CHD9: variants seen among roughly 807,000 people sequenced by gnomAD.
CHD9 encodes the protein ATP-dependent chromatin remodeler CHD9.
Under a neutral mutation model 316.1 loss-of-function variants are expected in CHD9, and 77 were observed. The ratio of observed to expected loss-of-function variants is 0.24; its 90% confidence interval spans 0.20 to 0.29. The LOEUF (loss-of-function observed/expected upper bound fraction) is 0.29. Among genes scored for constraint, CHD9 ranks in the 10% least tolerant of loss-of-function variants. The pLI is 1.00. For synonymous variants in CHD9, 1,129 were observed against 1,158.3 expected (o/e 0.97, Z 0.51); for missense variants, 2,763 against 3,438.1 (o/e 0.80, Z 4.91).
In CHD9 at chr16:53,238,350, T is replaced by G. The variant is rs1352971013; in HGVS notation, c.2641T>G (p.Cys881Gly). 2 of 1,611,144 alleles carry G rather than the reference T, an allele frequency of 1.2e-6. No homozygotes were observed. Among genetic ancestry groups the G allele is most frequent in the African/African-American group, 1.3e-5 (1 of 74,950 alleles). ...TGTATTTGTTTATTTCAGACGAAAC[T>G]GCATCTTAGCAGATGAAATGGGTCT... is the stretch of plus-strand genomic sequence containing the variant. ...LLFNWYNRRN[C>G]ILADEMGLGK... is the part of the protein sequence containing the mutation. The change falls in exon 12 of 39, where the codon TGC becomes GGC. Residue 881 changes from cysteine (C) to glycine (G), a missense_variant. Coordinates refer to ENST00000447540, the MANE Select transcript of CHD9 (RefSeq NM_001308319.2).
intron 1 of CHD9, among the ~76,000 whole-genome samples, chr16:53,067,717 A>G (rs2033647556): frequency 6.6e-6 from 1 of 152,168 alleles, no homozygotes; most frequent in Non-Finnish European, 1.5e-5. Context: ...AAGCATCTGT[A>G]CTATCAACAT....
intron 2 of CHD9, among the ~76,000 whole-genome samples, chr16:53,180,068 C>G (rs1465936041): frequency 6.8e-6 from 1 of 146,460 alleles, no homozygotes; most frequent in African/African-American, 2.5e-5. Context: ...GCTCTGTCAC[C>G]CAGGCTGGAG....
chr16:53,055,720 T>C (rs2032013530), intron 1 of CHD9, among the ~76,000 whole-genome samples: 1 of 152,170 alleles, frequency 6.6e-6, no homozygotes, highest in Admixed American at 6.5e-5. Context: ...ATGTGCCTTT[T>C]AAGCAGGAAA....
At chr16:53,174,253 T>A (rs1036768411) in intron 2 of CHD9, among the ~76,000 whole-genome samples, 1 of 152,178 alleles carries the variant, frequency 6.6e-6, no homozygotes, top group African/African-American at 2.4e-5. Flanking sequence ...CACTACAGAC[T>A]GCAGTCCAGC....
intron 7 of CHD9, among the ~76,000 whole-genome samples, chr16:53,228,590 G>T (rs921351030): frequency 1.4e-5 from 2 of 143,866 alleles, no homozygotes; most frequent in Non-Finnish European, 3.0e-5. Context: ...GCCCAGGCCG[G>T]ACTGCGGACT....
chr16:53,273,443 T>TA (rs1199929027), intron 22 of CHD9, among the ~76,000 whole-genome samples, 183 bp from the exon 23 acceptor site: 1 of 152,148 alleles, frequency 6.6e-6, no homozygotes, highest in African/African-American at 2.4e-5. Flanking sequence ...TTGGGGGAAA[T>TA]ATGTTTTAAT....
At chr16:53,074,714 C>T (rs773489172) in intron 1 of CHD9, among the ~76,000 whole-genome samples, 6 of 152,206 alleles carry the variant, frequency 3.9e-5, no homozygotes, top group Admixed American at 1.3e-4. Context: ...GCACAGAAGT[C>T]AAGAACTGGG....
intron 2 of CHD9, among the ~76,000 whole-genome samples, chr16:53,157,961 T>C (rs569606687): frequency 6.6e-6 from 1 of 152,284 alleles, no homozygotes; most frequent in African/African-American, 2.4e-5. Flanking sequence ...CCTCAGTTGA[T>C]AACTAGATAA....
At chr16:53,301,005 G>A (rs1057304106) in intron 30 of CHD9, among the ~76,000 whole-genome samples, 2 of 152,106 alleles carry the variant, frequency 1.3e-5, no homozygotes, top group African/African-American at 2.4e-5. Context: ...CCTGGGAGGC[G>A]GAGGTTGCAG....
Position 53,079,360 on chromosome 16 carries a change from C to G in CHD9, c.-165+24283C>G, listed in dbSNP as rs144505502. On this transcript the variant is annotated intron_variant, in intron 1 of 38. Transcript: ENST00000447540. ...TCACACAATGTTTGTTGGATTGAAC[C>G]AATGACTTAGCATAAAATGCTTCAA... Among the ~76,000 whole-genome samples, 37 of 152,296 alleles carry G rather than the reference C, an allele frequency of 2.4e-4. No individual in the cohort carries two copies. In the East Asian group the frequency reaches 7.1e-3, roughly 29 times the overall value.
intron 37 of CHD9, among the ~76,000 whole-genome samples, chr16:53,320,575 C>T (rs1438545098): frequency 6.6e-6 from 1 of 152,044 alleles, no homozygotes; most frequent in Non-Finnish European, 1.5e-5. Flanking sequence ...TAAACCTTAT[C>T]TGTATCCTAT....
chr16:53,163,974 C>T (rs562675957), intron 2 of CHD9, among the ~76,000 whole-genome samples: 7 of 152,208 alleles, frequency 4.6e-5, no homozygotes, highest in African/African-American at 1.7e-4. Flanking sequence ...AACTGAGATA[C>T]AGAGAAGTTA....
Position 53,280,962 on chromosome 16 carries a change from C to T in CHD9, c.4968-4634C>T, listed in dbSNP as rs79990432. On this transcript the variant is annotated intron_variant, in intron 24 of 38. Transcript: ENST00000447540. ...AGGCATTTATGCTAACTATACCCAT[C>T]TGGTTGTCCTTTTTCTCACTACTCT... 3.0e-3 allele frequency among the ~76,000 whole-genome samples: 451 copies of T among 152,246 alleles called. 8 individuals carry two copies. Among genetic ancestry groups the T allele is most frequent in the East Asian group, 2.7e-3 (14 of 5,162 alleles).
At chr16:53,129,191 C>T (rs1395893780) in intron 1 of CHD9, among the ~76,000 whole-genome samples, 1 of 152,202 alleles carries the variant, frequency 6.6e-6, no homozygotes, top group Non-Finnish European at 1.5e-5. Context: ...AAAACACGAA[C>T]GTTCTCTATC....
intron 2 of CHD9, among the ~76,000 whole-genome samples, chr16:53,165,215 A>G (rs546021135): frequency 6.6e-6 from 1 of 152,258 alleles, no homozygotes; most frequent in Admixed American, 6.5e-5. Flanking sequence ...AATGGACTAA[A>G]TTGGAGGGTT....
chr16:53,092,550 G>A (rs1213125483), intron 1 of CHD9, among the ~76,000 whole-genome samples: 1 of 151,930 alleles, frequency 6.6e-6, no homozygotes, highest in Non-Finnish European at 1.5e-5. Flanking sequence ...GAAGTCCTAG[G>A]CCAGTTCTCA....
At chr16:53,057,287 C>T (rs971620798) in intron 1 of CHD9, among the ~76,000 whole-genome samples, 6 of 151,434 alleles carry the variant, frequency 4.0e-5, no homozygotes, top group African/African-American at 1.5e-4. Context: ...TGACACCAGC[C>T]TAATCACTTG....
rs184519177 is a variant in CHD9, at chr16:53,303,805, A to G, written c.5799A>G (p.Lys1933=). 4 of 1,614,036 alleles carry G rather than the reference A, an allele frequency of 2.5e-6. No individual in the cohort carries two copies. The highest frequency in any genetic ancestry group is 8.5e-7 in the Non-Finnish European group (1 of 1,179,894). ...TGTATCGCATTGAACTTCTAAGGAA[A>G]GTACGGGAACAGGCCCTTCGACATC... ...RTLYRIELLR[K]VREQALRHPQ... is the part of the protein sequence containing the mutation. Residue 1933 remains lysine (K), a synonymous_variant, in exon 31 of 39, where the codon AAA becomes AAG. Transcript: ENST00000447540.
At chr16:53,270,518 A>G (rs1349896343) in intron 22 of CHD9, among the ~76,000 whole-genome samples, 1 of 152,156 alleles carries the variant, frequency 6.6e-6, no homozygotes, top group Non-Finnish European at 1.5e-5. Flanking sequence ...ATATTTATGA[A>G]TGAAATGATT....
Sources: allele counts gnomAD v4.1 joint callset (sites outside exome capture counted in the v4.1 genomes callset), GRCh38; gene constraint gnomAD v4.1.1; transcripts MANE v1.5; gene names NCBI Gene and HGNC (gene_info 2026-07-23, HGNC 2026-07-21).